The following COL15A1 variants were observed in gnomAD, a reference collection of about 807,000 sequenced individuals.
The protein encoded by COL15A1 is collagen alpha-1(XV) chain.
COL15A1 carries 111 observed loss-of-function variants against 165.9 expected under a neutral mutation model. The ratio of observed to expected loss-of-function variants is 0.67; its 90% CI spans 0.57 to 0.78. The LOEUF is 0.78. COL15A1 is among the 30% of genes least tolerant of loss of function. The pLI, the probability that COL15A1 is intolerant of heterozygous loss-of-function variation, is 0.00. For missense variants in COL15A1, 1,745 were observed against 1,789.7 expected (o/e 0.98, Z 0.45); for synonymous variants, 659 against 674.8 (o/e 0.98, Z 0.36).
In COL15A1 at chr9:98,943,921, C is replaced by A. The variant is rs1837529807; in HGVS notation, c.-141C>A. On this transcript the variant is annotated 5_prime_UTR_variant, in exon 1 of 42. Coordinates refer to ENST00000375001, the MANE Select transcript of COL15A1 (RefSeq NM_001855.5). ...CGGGAGCCGGGATTCTGCCCGCCGC[C>A]GCCGCTGCCGAGCGCCGCCTTTGTT... The A allele has an allele frequency of 8.8e-7, 1 of 1,140,258 alleles. No individual in the cohort carries two copies. Among genetic ancestry groups the A allele is most frequent in the South Asian group, 2.0e-5 (1 of 50,762 alleles). The allele number at this position is 1,140,258 out of a possible 1,614,324, so 70.6% of individuals were successfully genotyped here. A position where few individuals can be genotyped will look rare whatever the true frequency, so the allele number is the denominator to read the frequency against.
At chr9:99,009,693 A>G (rs1838818998) in intron 9 of COL15A1, among the ~76,000 whole-genome samples, 1 of 152,252 alleles carries the variant, frequency 6.6e-6, no homozygotes, top group Admixed American at 6.5e-5. Context: ...AGTTAAAAAA[A>G]AAGGCAAAAA....
At chr9:98,983,280 G>A in intron 2 of COL15A1, among the ~76,000 whole-genome samples, 1 of 152,124 alleles carries the variant, frequency 6.6e-6, no homozygotes, top group East Asian at 1.9e-4. Context: ...TGGGAAGTTT[G>A]AGTTCCTGGA....
chr9:98,954,681 A>G (rs1837747254), intron 2 of COL15A1, among the ~76,000 whole-genome samples: 1 of 152,162 alleles, frequency 6.6e-6, no homozygotes, highest in African/African-American at 2.4e-5. Flanking sequence ...TCCTAAAACA[A>G]ATAGTTGGGT....
chr9:98,970,043 TAAA>T lies in COL15A1; in HGVS notation c.101-15506_101-15504del, dbSNP rs5899366. On this transcript the variant is annotated intron_variant, in intron 2 of 41. Transcript: ENST00000375001. ...GAGTGAGGCAAGAGCATTAGTAGTTTAAAAAAAAAAAAAAAAAAGTCTCCCCAG... is the reference window on the plus strand; with the variant it reads ...GAGTGAGGCAAGAGCATTAGTAGTTTAAAAAAAAAAAAAAAGTCTCCCCAG... Among the ~76,000 whole-genome samples the T allele has an allele frequency of 7.2e-4, 100 of 139,502 alleles. No homozygotes were observed. In the South Asian group the frequency reaches 8.5e-3, roughly 12 times the overall value. 91.5% of individuals were successfully genotyped at this position (139,502 alleles called of 152,430 possible). A position where few individuals can be genotyped will look rare whatever the true frequency, so the allele number is the denominator to read the frequency against.
chr9:98,985,695 CCCAG>C lies in COL15A1; in HGVS notation c.236_239del (p.Ala79GlyfsTer18), dbSNP rs1838298197. 6.2e-7 allele frequency: 1 copy of C among 1,614,118 alleles called. No individual in the cohort carries two copies. Among genetic ancestry groups the C allele is most frequent in the Non-Finnish European group, 8.5e-7 (1 of 1,180,056 alleles). ...TCGGGCCTGGTGCCAATGTTGGCCGCCCAGCCAGGACTCTCATCCCATCCACCTT... is the reference window on the plus strand; with the variant it reads ...TCGGGCCTGGTGCCAATGTTGGCCGCCCAGGACTCTCATCCCATCCACCTT... On this transcript the variant is annotated frameshift_variant, in exon 3 of 42. Transcript: ENST00000375001. LOFTEE classifies it high-confidence loss of function.
chr9:98,964,711 G>C (rs1241508231), intron 2 of COL15A1, among the ~76,000 whole-genome samples: 4 of 152,206 alleles, frequency 2.6e-5, no homozygotes, highest in Admixed American at 6.5e-5. Flanking sequence ...GGTCATGGGA[G>C]AGAGTGGCCT....
intron 2 of COL15A1, among the ~76,000 whole-genome samples, chr9:98,973,824 C>A (rs964064787): frequency 2.0e-5 from 3 of 152,158 alleles, no homozygotes; most frequent in African/African-American, 7.2e-5. Flanking sequence ...CAGTTAGGGG[C>A]GGTTAGAAAA....
At chr9:99,035,328 C>A (rs1317905583) in intron 18 of COL15A1, 22 bp from the exon 19 acceptor site, 1 of 1,614,162 alleles carries the variant, frequency 6.2e-7, no homozygotes, top group South Asian at 1.1e-5. Flanking sequence ...ATCTGAAATT[C>A]TCATTCTTGC....
chr9:99,011,923 A>G (rs942693022), intron 9 of COL15A1, among the ~76,000 whole-genome samples: 2 of 152,316 alleles, frequency 1.3e-5, no homozygotes, highest in Admixed American at 1.3e-4. Context: ...ATATATGGTT[A>G]TTTTACTAAA....
chr9:98,994,032 G>C (rs1838498594), intron 5 of COL15A1, among the ~76,000 whole-genome samples: 1 of 144,676 alleles, frequency 6.9e-6, no homozygotes, highest in African/African-American at 2.5e-5. Flanking sequence ...TTTTCAGAAA[G>C]TTCTATGCTG....
chr9:98,990,790 T>G (rs1838407351), intron 5 of COL15A1, among the ~76,000 whole-genome samples: 1 of 152,218 alleles, frequency 6.6e-6, no homozygotes, highest in Non-Finnish European at 1.5e-5. Context: ...GATACCACTG[T>G]GTACCTGGTG....
At chr9:99,001,906 T>C (rs1588509758) in intron 7 of COL15A1, among the ~76,000 whole-genome samples, 1 of 152,184 alleles carries the variant, frequency 6.6e-6, no homozygotes, top group Non-Finnish European at 1.5e-5. Flanking sequence ...CAAAATTCCA[T>C]AGTTTGCCTT....
chr9:98,997,074 C>T lies in COL15A1; in HGVS notation c.945C>T (p.Pro315=), dbSNP rs1838560888. The T allele has an allele frequency of 2.5e-6, 4 of 1,614,190 alleles. No individual in the cohort carries two copies. The highest frequency in any genetic ancestry group is 3.4e-6 in the Non-Finnish European group (4 of 1,180,026). The change falls in exon 6 of 42, where the codon CCC becomes CCT. Residue 315 remains proline (P), a synonymous_variant. Transcript: ENST00000375001. ...TNMSIIQHSS[P]KQGSGEILND... Reference sequence around the variant, plus strand: ...TGAGCATCATCCAGCACAGCAGCCCCAAACAAGGCAAGTCCGGATGCACAT... The same window carrying T: ...TGAGCATCATCCAGCACAGCAGCCCTAAACAAGGCAAGTCCGGATGCACAT...
At chr9:99,061,923 A>C (rs774377319) in intron 36 of COL15A1, 48 bp from the exon 37 acceptor site, 2 of 1,585,472 alleles carry the variant, frequency 1.3e-6, no homozygotes, top group South Asian at 1.2e-5. Flanking sequence ...AGATGGTGCC[A>C]TTCCTCTAAT....
chr9:98,981,665 A>C (rs1038171919), intron 2 of COL15A1, among the ~76,000 whole-genome samples: 10 of 152,230 alleles, frequency 6.6e-5, no homozygotes, highest in South Asian at 2.1e-4. Flanking sequence ...CGTGGGAGTG[A>C]TAAACACCAA....
intron 2 of COL15A1, among the ~76,000 whole-genome samples, chr9:98,960,864 C>T (rs1837854296): frequency 6.6e-6 from 1 of 152,162 alleles, no homozygotes; most frequent in Non-Finnish European, 1.5e-5. Context: ...CTCAGCATTG[C>T]TTGTATTGGG....
Position 99,052,926 on chromosome 9 carries a change from G to T in COL15A1, c.2950+493G>T, listed in dbSNP as rs74691405. 9.5e-3 allele frequency among the ~76,000 whole-genome samples: 1,443 copies of T among 152,316 alleles called. 24 individuals carry two copies. The highest frequency in any genetic ancestry group is 0.033 in the African/African-American group (1,387 of 41,566). ...CCATGCAACTTTGTAAGCATCTCCTGGGAGCTTGTTAGAAATGCAGAACTT... is the reference window on the plus strand; with the variant it reads ...CCATGCAACTTTGTAAGCATCTCCTTGGAGCTTGTTAGAAATGCAGAACTT... On this transcript the variant is annotated intron_variant, in intron 31 of 41. Transcript: ENST00000375001.
intron 22 of COL15A1, among the ~76,000 whole-genome samples, chr9:99,039,944 G>A (rs2119065632): frequency 6.6e-6 from 1 of 152,242 alleles, no homozygotes; most frequent in African/African-American, 2.4e-5. Flanking sequence ...CCAGATCCAG[G>A]GGAAAATCTA....
Position 99,056,315 on chromosome 9 carries a change from T to C in COL15A1, c.3248T>C (p.Leu1083Pro), listed in dbSNP as rs1355419789. Residue 1083 changes from leucine (L) to proline (P), a missense_variant, in exon 35 of 42, where the codon CTG (leucine) becomes CCG (proline). By Grantham distance (98) the Leu-to-Pro change is moderately conservative. Coordinates refer to ENST00000375001, the MANE Select transcript of COL15A1 (RefSeq NM_001855.5). ...GPQGPPGAPG[L>P]PGPPGFGRPG... is the part of the protein sequence containing the mutation. Reference sequence around the variant, plus strand: ...CAAGGACCCCCAGGTGCTCCTGGTCTGCCTGGGCCACCTGGCTTTGGAAGA... The same window carrying C: ...CAAGGACCCCCAGGTGCTCCTGGTCCGCCTGGGCCACCTGGCTTTGGAAGA... 6.2e-7 allele frequency: 1 copy of C among 1,614,016 alleles called. No homozygotes were observed. The highest frequency in any genetic ancestry group is 1.3e-5 in the African/African-American group (1 of 74,952).
Sources: gnomAD v4.1 joint callset for allele counts (sites outside exome capture counted in the v4.1 genomes callset) on GRCh38, gnomAD v4.1.1 for gene constraint, MANE v1.5 for transcripts, NCBI Gene and HGNC (gene_info 2026-07-23, HGNC 2026-07-21) for gene names.